ADAMTSL3: variants seen among roughly 807,000 people sequenced by gnomAD.
ADAMTSL3 encodes the protein ADAMTS like 3.
In ADAMTSL3, 128 loss-of-function variants were observed where a neutral mutation model predicts 201.7. The ratio of observed to expected loss-of-function variants is 0.63; its 90% confidence interval spans 0.55 to 0.73. ADAMTSL3 has a LOEUF of 0.73. Ranked by LOEUF, ADAMTSL3 falls within the 30% of genes least tolerant of loss-of-function variation. The pLI, the probability that ADAMTSL3 is intolerant of heterozygous loss-of-function variation, is 0.00. For missense variants in ADAMTSL3, 1,990 were observed against 2,119.6 expected (o/e 0.94, Z 1.20); for synonymous variants, 738 against 748.4 (o/e 0.99, Z 0.23).
At chr15:83,680,351 T>C (rs2061461147) in intron 2 of ADAMTSL3, among the ~76,000 whole-genome samples, 1 of 152,110 alleles carries the variant, frequency 6.6e-6, no homozygotes, top group Non-Finnish European at 1.5e-5. Context: ...TGTGTGATTA[T>C]GTCCAGGGTG....
At chr15:84,019,309 T>A (rs2068151386) in intron 25 of ADAMTSL3, among the ~76,000 whole-genome samples, 1 of 152,036 alleles carries the variant, frequency 6.6e-6, no homozygotes, top group Non-Finnish European at 1.5e-5. Flanking sequence ...GTGTGTAAAA[T>A]GTTTAGACCA....
intron 3 of ADAMTSL3, chr15:83,739,793 T>C (rs1328395209): frequency 1.7e-6 from 1 of 579,716 alleles, no homozygotes; most frequent in African/African-American, 1.9e-5. Context: ...CATGCATGAG[T>C]ACATCTCCAT....
At chr15:83,828,603 C>A (rs1192944739) in intron 6 of ADAMTSL3, among the ~76,000 whole-genome samples, 2 of 152,188 alleles carry the variant, frequency 1.3e-5, no homozygotes, top group Non-Finnish European at 2.9e-5. Flanking sequence ...CTGTCTTGTG[C>A]CAGTTTTCAA....
chr15:83,822,158 G>A (rs1384173332), intron 6 of ADAMTSL3, among the ~76,000 whole-genome samples: 1 of 150,502 alleles, frequency 6.6e-6, no homozygotes, highest in Non-Finnish European at 1.5e-5. Flanking sequence ...CAGACGGGGC[G>A]GCTGGCCTGG....
chr15:83,983,152 A>G lies in ADAMTSL3; in HGVS notation c.3524A>G (p.Lys1175Arg). The G allele has an allele frequency of 1.2e-6, 2 of 1,613,888 alleles. No individual in the cohort carries two copies. The highest frequency in any genetic ancestry group is 1.7e-6 in the Non-Finnish European group (2 of 1,179,942). The change falls in exon 21 of 30, where the codon AAA (lysine) becomes AGA (arginine). Residue 1175 changes from lysine to arginine, a missense_variant. Transcript: ENST00000286744. ...KNSGKLTFKP[K>R]GPVLMRQSQP... ...TCAGGCAAGCTGACATTCAAGCCGA[A>G]AGGACCTGTTCTCATGAGGCAAAGC...
chr15:83,911,499 G>A (rs2065933902), intron 15 of ADAMTSL3, among the ~76,000 whole-genome samples: 1 of 152,176 alleles, frequency 6.6e-6, no homozygotes, highest in African/African-American at 2.4e-5. Context: ...ATTCTACCAT[G>A]AGAGTAGCAG....
chr15:83,928,829 C>T (rs960921951), intron 17 of ADAMTSL3, among the ~76,000 whole-genome samples: 3 of 152,128 alleles, frequency 2.0e-5, no homozygotes, highest in Non-Finnish European at 4.4e-5. Flanking sequence ...ACATTTTCCC[C>T]CACTTTATCA....
At chr15:83,678,147 AT>A (rs898451786) in intron 2 of ADAMTSL3, among the ~76,000 whole-genome samples, 6 of 152,184 alleles carry the variant, frequency 3.9e-5, no homozygotes, top group African/African-American at 9.6e-5. Context: ...AGATGACATA[AT>A]TTTTGTTTCA....
Position 83,897,985 on chromosome 15 carries a change from TC to T in ADAMTSL3, c.1598del (p.Pro533ArgfsTer18). 6.2e-7 allele frequency: 1 copy of T among 1,613,618 alleles called. No homozygotes were observed. Among genetic ancestry groups the T allele is most frequent in the Non-Finnish European group, 8.5e-7 (1 of 1,179,714 alleles). On this transcript the variant is annotated frameshift_variant, in exon 14 of 30. Transcript: ENST00000286744. LOFTEE classifies it high-confidence loss of function. ...ATCAAAGAAGAATGTGTCATTCCCA[TC>T]CCGTGTTATAAACCAAAAGGTAAGT... ...LHIKEECVIP[I>X]PCYKPKEKSP...
At chr15:83,672,824 C>G (rs940998402) in intron 2 of ADAMTSL3, among the ~76,000 whole-genome samples, 1 of 152,198 alleles carries the variant, frequency 6.6e-6, no homozygotes, top group Non-Finnish European at 1.5e-5. Flanking sequence ...CCCAGTCAGG[C>G]CTTTGCTGGG....
intron 19 of ADAMTSL3, among the ~76,000 whole-genome samples, chr15:83,956,064 G>A (rs934682032): frequency 2.0e-5 from 3 of 152,092 alleles, no homozygotes; most frequent in African/African-American, 7.2e-5. Context: ...AGCCCATGGT[G>A]GTGAGACTGC....
At chr15:83,956,039 A>T (rs2066855991) in intron 19 of ADAMTSL3, among the ~76,000 whole-genome samples, 1 of 151,892 alleles carries the variant, frequency 6.6e-6, no homozygotes, top group Non-Finnish European at 1.5e-5. Flanking sequence ...TTCACTTAGG[A>T]CCCCACAGCA....
intron 17 of ADAMTSL3, among the ~76,000 whole-genome samples, chr15:83,942,126 T>TTA (rs2066572725): frequency 6.6e-6 from 1 of 152,228 alleles, no homozygotes; most frequent in African/African-American, 2.4e-5. Context: ...AGGAATCACA[T>TTA]TATATATATG....
chr15:84,021,992 G>A (rs1256018088), intron 26 of ADAMTSL3, among the ~76,000 whole-genome samples: 19 of 152,264 alleles, frequency 1.2e-4, no homozygotes, highest in Admixed American at 1.1e-3. Context: ...AGGCACTAGT[G>A]AAAAACACAG....
intron 8 of ADAMTSL3, among the ~76,000 whole-genome samples, chr15:83,865,962 C>T (rs2064966748): frequency 6.6e-6 from 1 of 152,174 alleles, no homozygotes; most frequent in African/African-American, 2.4e-5. Context: ...TATGAACAGA[C>T]ACTTCTCAAA....
chr15:83,727,750 A>G (rs980653814), intron 3 of ADAMTSL3, among the ~76,000 whole-genome samples: 1 of 151,926 alleles, frequency 6.6e-6, no homozygotes, highest in Admixed American at 6.6e-5. Flanking sequence ...ATTTCAATTT[A>G]AATTTTTTTT....
At chr15:83,822,803 C>G (rs2063912563) in intron 6 of ADAMTSL3, among the ~76,000 whole-genome samples, 1 of 151,804 alleles carries the variant, frequency 6.6e-6, no homozygotes, top group Non-Finnish European at 1.5e-5. Flanking sequence ...GGCGGCCGGG[C>G]AGAGGCTGCA....
chr15:83,942,136 G>A (rs1323350789), intron 17 of ADAMTSL3, among the ~76,000 whole-genome samples: 7 of 152,204 alleles, frequency 4.6e-5, no homozygotes, highest in Admixed American at 4.6e-4. Context: ...TTATATATAT[G>A]TTGTAAATCC....
chr15:83,798,936 C>A (rs2063476554), intron 4 of ADAMTSL3, among the ~76,000 whole-genome samples: 1 of 151,662 alleles, frequency 6.6e-6, no homozygotes, highest in Admixed American at 6.6e-5. Context: ...GTAGCAGGTT[C>A]TTTAATAATT....
Sources: gnomAD v4.1 joint callset for allele counts (sites outside exome capture counted in the v4.1 genomes callset) on GRCh38, gnomAD v4.1.1 for gene constraint, MANE v1.5 for transcripts, NCBI Gene and HGNC (gene_info 2026-07-23, HGNC 2026-07-21) for gene names.